The following KARS1 variants were observed in gnomAD, a reference collection of about 807,000 sequenced individuals.
The protein encoded by KARS1 is lysyl-tRNA synthetase 1, also known as lysine--tRNA ligase.
KARS1 carries 50 observed loss-of-function variants against 63.9 expected under a neutral mutation model. The ratio of observed to expected loss-of-function variants is 0.78; its 90% CI spans 0.62 to 0.99. The LOEUF (loss-of-function observed/expected upper bound fraction) is 0.99. Ranked by LOEUF, KARS1 falls within the 50% of genes least tolerant of loss-of-function variation. KARS1 has a pLI of 0.00. For missense variants in KARS1, 816 were observed against 754.5 expected (o/e 1.08, Z -0.95); for synonymous variants, 320 against 264.6 (o/e 1.21, Z -2.03).
intron 11 of KARS1, among the ~76,000 whole-genome samples, chr16:75,629,874 T>C (rs1331431915): frequency 6.6e-6 from 1 of 152,244 alleles, no homozygotes; most frequent in Non-Finnish European, 1.5e-5. Context: ...GTGTTACTGA[T>C]TGCAGTCAGA....
chr16:75,630,515 G>A lies in KARS1; in HGVS notation c.1339-7C>T, dbSNP rs752187875. ...CCAGGAACTCCCCAACAAGCTTAAT[G>A]AGAAAGCAAAGCAGAGTCAGTCACC... On this transcript the variant is annotated splice_region_variant and splice_polypyrimidine_tract_variant and intron_variant, in intron 10 of 13. Coordinates refer to ENST00000302445, the MANE Select transcript of KARS1 (RefSeq NM_005548.3). The A allele has an allele frequency of 1.3e-6, 2 of 1,587,084 alleles. No individual in the cohort carries two copies. The highest frequency in any genetic ancestry group is 2.2e-5 in the East Asian group (1 of 44,734).
chr16:75,644,799 A>G (rs930798689), intron 1 of KARS1, among the ~76,000 whole-genome samples: 4 of 152,218 alleles, frequency 2.6e-5, no homozygotes, highest in Non-Finnish European at 5.9e-5. Flanking sequence ...GTGGTTTCTC[A>G]CCTGGAGAGG....
rs1407617034 is a variant in KARS1 at position 75,641,593 on chromosome 16, C to G, written c.193G>C (p.Gly65Arg). 1.2e-6 allele frequency: 2 copies of G among 1,613,874 alleles called. No individual in the cohort carries two copies. Among genetic ancestry groups the G allele is most frequent in the Non-Finnish European group, 1.7e-6 (2 of 1,180,034 alleles). Residue 65 changes from glycine to arginine, a missense_variant, in exon 2 of 14, where the codon GGT becomes CGT. Coordinates refer to ENST00000302445, the MANE Select transcript of KARS1 (RefSeq NM_005548.3). ...GGGTCCACGCTCTCTTCCTCAGGAC[C>G]CACACCATTATCAGTGGTGTGGTTG... Reference protein sequence around the residue: ...ATNHTTDNGVGPEEESVDPNQ... With the variant: ...ATNHTTDNGVRPEEESVDPNQ...
At chr16:75,631,890 A>C (rs1287822875) in intron 7 of KARS1, 35 bp from the exon 8 acceptor site, 5 of 1,611,744 alleles carry the variant, frequency 3.1e-6, no homozygotes, top group East Asian at 2.2e-5. Context: ...CATGACAGCT[A>C]ATCTTTTTTT....
intron 3 of KARS1, 92 bp downstream of exon 3, chr16:75,640,092 G>T: frequency 9.1e-7 from 1 of 1,104,072 alleles, no homozygotes; most frequent in Non-Finnish European, 1.4e-6. Context: ...GGCTACTTGA[G>T]AACAAGACCA....
In KARS1 at chr16:75,647,371, G is replaced by A; in HGVS notation, c.62+207C>T. 4.7e-6 allele frequency: 3 copies of A among 643,696 alleles called. No individual in the cohort carries two copies. In the South Asian group the frequency reaches 5.2e-5, roughly 11 times the overall value. The allele number at this position is 643,696 out of a possible 1,614,324, so 39.9% of individuals were successfully genotyped here. A position where few individuals can be genotyped will look rare whatever the true frequency, so the allele number is the denominator to read the frequency against. On this transcript the variant is annotated intron_variant, in intron 1 of 13. Coordinates refer to ENST00000302445, the MANE Select transcript of KARS1 (RefSeq NM_005548.3). ...GGAGTATGATAGGGAGCATCCCGCC[G>A]GTGCCAGCTGGGAACGGGGAGCCGG... is the stretch of plus-strand genomic sequence containing the variant.
chr16:75,632,886 G>C (rs1250366233), intron 7 of KARS1, among the ~76,000 whole-genome samples: 1 of 152,182 alleles, frequency 6.6e-6, no homozygotes, highest in Non-Finnish European at 1.5e-5. Context: ...TGTAATAACT[G>C]AACAGGCTGA....
chr16:75,634,136 CTTCT>C, intron 7 of KARS1, 33 bp downstream of exon 7: 1 of 1,609,476 alleles, frequency 6.2e-7, no homozygotes, highest in Non-Finnish European at 8.5e-7. Flanking sequence ...CAGCTTTCTG[CTTCT>C]TTAAGGGAAA....
At chr16:75,645,820 C>T (rs966913260) in intron 1 of KARS1, among the ~76,000 whole-genome samples, 1 of 133,798 alleles carries the variant, frequency 7.5e-6, no homozygotes, top group South Asian at 2.8e-4. Context: ...GCAATCCAGC[C>T]GGGGCAACAA....
chr16:75,646,770 C>T (rs956304063), intron 1 of KARS1, among the ~76,000 whole-genome samples: 1 of 151,724 alleles, frequency 6.6e-6, no homozygotes, highest in African/African-American at 2.4e-5. Flanking sequence ...CCTCAGTCTC[C>T]CGAGTAGCTG....
intron 1 of KARS1, chr16:75,644,260 TAAAGAAGG>T: frequency 1.3e-6 from 2 of 1,577,520 alleles, no homozygotes; most frequent in Non-Finnish European, 1.7e-6. Flanking sequence ...TCCAGAGCAA[TAAAGAAGG>T]TAATGGGCAC....
chr16:75,644,917 G>A (rs1407447902), intron 1 of KARS1, among the ~76,000 whole-genome samples: 3 of 152,194 alleles, frequency 2.0e-5, no homozygotes, highest in Admixed American at 6.5e-5. Context: ...ACAAAAATAC[G>A]TGTCAAAGAG....
chr16:75,642,628 C>T (rs1290432285), intron 1 of KARS1: 2 of 152,176 alleles, frequency 1.3e-5, no homozygotes, highest in African/African-American at 4.8e-5. Context: ...CTCAAGGAGA[C>T]CTCCCCTACC....
chr16:75,637,216 A>G (rs149081934), intron 3 of KARS1, among the ~76,000 whole-genome samples: 2 of 152,212 alleles, frequency 1.3e-5, no homozygotes, highest in East Asian at 3.9e-4. Context: ...GACAAAATTT[A>G]CAACAAAATG....
chr16:75,627,968 T>A lies in KARS1; in HGVS notation c.1721A>T (p.Lys574Ile). 6.2e-7 allele frequency: 1 copy of A among 1,609,874 alleles called. No individual in the cohort carries two copies. Among genetic ancestry groups the A allele is most frequent in the Non-Finnish European group, 8.5e-7 (1 of 1,176,100 alleles). ...TACATTCTCCTTCTTGTCTTCGGGT[T>A]TCATGGCAGGAAACAGAAGTACTTC... ...IKEVLLFPAM[K>I]PEDKKENVAT... Residue 574 changes from lysine to isoleucine, a missense_variant, in exon 14 of 14, where the codon AAA (lysine) becomes ATA (isoleucine). Lys to Ile is a moderately radical substitution (Grantham distance 102). Coordinates refer to ENST00000302445, the MANE Select transcript of KARS1 (RefSeq NM_005548.3).
At chr16:75,629,325 C>A (rs536684052) in intron 12 of KARS1, 90 bp downstream of exon 12, 2 of 1,540,582 alleles carry the variant, frequency 1.3e-6, no homozygotes, top group South Asian at 2.2e-5. Flanking sequence ...TCTGAAGTCA[C>A]CAAGAACGTA....
At chr16:75,631,098 A>C in intron 10 of KARS1, 70 bp downstream of exon 10, 3 of 1,280,594 alleles carry the variant, frequency 2.3e-6, no homozygotes, top group Non-Finnish European at 3.4e-6. Context: ...AGTGGGGTTC[A>C]TTTTCCCAGG....
chr16:75,633,133 G>C (rs1355015896), intron 7 of KARS1, among the ~76,000 whole-genome samples: 1 of 152,160 alleles, frequency 6.6e-6, no homozygotes, highest in African/African-American at 2.4e-5. Flanking sequence ...TTATCCACAA[G>C]TGTGTTTACT....
At chr16:75,635,611 A>C (rs914754614) in intron 6 of KARS1, 69 bp downstream of exon 6, 8 of 1,566,036 alleles carry the variant, frequency 5.1e-6, no homozygotes, top group African/African-American at 1.4e-5. Context: ...TTGGAAAAGG[A>C]AGGCAAGGGA....
Sources: gnomAD v4.1 joint callset for allele counts (sites outside exome capture counted in the v4.1 genomes callset) on GRCh38, gnomAD v4.1.1 for gene constraint, MANE v1.5 for transcripts, NCBI Gene and HGNC (gene_info 2026-07-23, HGNC 2026-07-21) for gene names.